The following SPPL3 variants were observed in gnomAD, a reference collection of about 807,000 sequenced individuals.
SPPL3 encodes the protein signal peptide peptidase-like 3.
SPPL3 carries 5 observed loss-of-function variants against 42.4 expected under a neutral mutation model. The observed-to-expected ratio is 0.12, with a 90% CI of 0.06 to 0.25. SPPL3 has a LOEUF of 0.25. Among genes scored for constraint, SPPL3 ranks in the 10% least tolerant of loss-of-function variants. The pLI is 1.00. For missense variants in SPPL3, 235 were observed against 489.0 expected, an observed-to-expected ratio of 0.48 and a Z score of 4.90; for synonymous variants, 195 against 181.8, an observed-to-expected ratio of 1.07 and a Z score of -0.58.
chr12:120,871,639 C>G (rs791218), intron 1 of SPPL3, among the ~76,000 whole-genome samples: 19,543 of 151,810 alleles, frequency 0.13, 1,733 homozygotes, highest in Non-Finnish European at 0.19. Context: ...TGTAATCCCA[C>G]CTACTCGGGC....
At chr12:120,884,484 G>A (rs1873387485) in intron 1 of SPPL3, among the ~76,000 whole-genome samples, 1 of 150,894 alleles carries the variant, frequency 6.6e-6, no homozygotes, top group African/African-American at 2.4e-5. Flanking sequence ...TTAAATATTA[G>A]GTAATTAGGA....
chr12:120,805,777 A>AC (rs1870466860), intron 2 of SPPL3, among the ~76,000 whole-genome samples: 1 of 152,226 alleles, frequency 6.6e-6, no homozygotes, highest in Admixed American at 6.5e-5. Context: ...AAAGTAAAAA[A>AC]ATACTTAGGA....
intron 2 of SPPL3, among the ~76,000 whole-genome samples, chr12:120,797,130 G>A (rs1185677371): frequency 1.3e-5 from 2 of 152,210 alleles, no homozygotes; most frequent in African/African-American, 4.8e-5. Flanking sequence ...TTGTGCCACT[G>A]CACTCCAGCC....
intron 10 of SPPL3, 52 bp from the exon 11 acceptor site, chr12:120,765,122 A>G (rs1444600702): frequency 6.4e-7 from 1 of 1,574,340 alleles, no homozygotes; most frequent in East Asian, 2.2e-5. Flanking sequence ...AGGCACACAC[A>G]GCTGTCTGAT....
intron 1 of SPPL3, among the ~76,000 whole-genome samples, chr12:120,888,200 T>A (rs1195538289): frequency 6.6e-6 from 1 of 152,092 alleles, no homozygotes; most frequent in Non-Finnish European, 1.5e-5. Flanking sequence ...CTCAGCCTCC[T>A]GAGTAGCTGG....
chr12:120,839,058 C>T (rs1327283177), intron 1 of SPPL3, among the ~76,000 whole-genome samples: 10 of 151,974 alleles, frequency 6.6e-5, no homozygotes, highest in Non-Finnish European at 1.2e-4. Context: ...CACATGCACA[C>T]GTATGTTTAT....
chr12:120,878,261 G>C (rs1032561550), intron 1 of SPPL3, among the ~76,000 whole-genome samples: 3 of 152,060 alleles, frequency 2.0e-5, no homozygotes, highest in Admixed American at 1.3e-4. Flanking sequence ...GAATATACCA[G>C]AATATCATGA....
At chr12:120,829,454 G>A (rs527614934) in intron 1 of SPPL3, among the ~76,000 whole-genome samples, 4 of 152,108 alleles carry the variant, frequency 2.6e-5, no homozygotes, top group South Asian at 2.1e-4. Flanking sequence ...AAATTAGCCC[G>A]GCATGATGGT....
chr12:120,852,702 A>T lies in SPPL3; in HGVS notation c.24-41816T>A, dbSNP rs1566060807. On this transcript the variant is annotated intron_variant, in intron 1 of 10. Coordinates refer to ENST00000353487, the MANE Select transcript of SPPL3 (RefSeq NM_139015.5). ...TATGCATATATAATATACATATTTT[A>T]CATATATGAAATATATTTTATATAT... Among the ~76,000 whole-genome samples the T allele has an allele frequency of 3.5e-3, 142 of 40,008 alleles. 9 individuals are homozygous for T. The highest frequency in any genetic ancestry group is 5.3e-3 in the Non-Finnish European group (116 of 21,938). The allele number at this position is 40,008 out of a possible 152,430, so 26.2% of individuals were successfully genotyped here. A position where few individuals can be genotyped will look rare whatever the true frequency, so the allele number is the denominator to read the frequency against.
At chr12:120,809,477 A>T (rs1870610381) in intron 2 of SPPL3, among the ~76,000 whole-genome samples, 2 of 152,236 alleles carry the variant, frequency 1.3e-5, no homozygotes, top group South Asian at 4.1e-4. Flanking sequence ...TAAAATTCAG[A>T]TATAACACTG....
intron 1 of SPPL3, among the ~76,000 whole-genome samples, chr12:120,852,321 A>T (rs1718180): frequency 0.47 from 63,696 of 135,762 alleles, 15,150 homozygotes; most frequent in East Asian, 0.54. Context: ...TATTTATATA[A>T]TCATATATAT....
At chr12:120,853,020 GAGT>G (rs1168861856) in intron 1 of SPPL3, among the ~76,000 whole-genome samples, 1 of 150,692 alleles carries the variant, frequency 6.6e-6, no homozygotes, top group Non-Finnish European at 1.5e-5. Flanking sequence ...TCAGCCTCCC[GAGT>G]AGCTGGGATT....
At chr12:120,767,048 G>C in intron 9 of SPPL3, among the ~76,000 whole-genome samples, 1 of 152,206 alleles carries the variant, frequency 6.6e-6, no homozygotes, top group East Asian at 1.9e-4. Context: ...ACTAATGAAT[G>C]TAAGTAAGTA....
At position 120,810,897 on chromosome 12, in the gene SPPL3, A is replaced by G. The variant is rs1870661988; in HGVS notation, c.24-11T>C. On this transcript the variant is annotated splice_polypyrimidine_tract_variant and intron_variant, in intron 1 of 10. Transcript: ENST00000353487. The stretch of plus-strand genomic sequence containing the variant: ...ACCAGGGAATAGGCCCTAGAGAAAT[A>G]AGAGGAAAAAAATTTAAATCACATG... 6.2e-7 allele frequency: 1 copy of G among 1,607,078 alleles called. No homozygotes were observed. Among genetic ancestry groups the G allele is most frequent in the African/African-American group, 1.3e-5 (1 of 74,742 alleles).
chr12:120,840,621 C>T (rs1053203346), intron 1 of SPPL3, among the ~76,000 whole-genome samples: 6 of 152,178 alleles, frequency 3.9e-5, no homozygotes, highest in Non-Finnish European at 7.4e-5. Flanking sequence ...CGATTGAGCT[C>T]AGGAGTTCAA....
intron 6 of SPPL3, among the ~76,000 whole-genome samples, chr12:120,781,358 C>G (rs983781628): frequency 6.6e-6 from 1 of 151,560 alleles, no homozygotes; most frequent in African/African-American, 2.4e-5. Context: ...CCTTAATACT[C>G]TGGAGTTATT....
chr12:120,882,306 A>C (rs540710289), intron 1 of SPPL3, among the ~76,000 whole-genome samples: 9 of 152,290 alleles, frequency 5.9e-5, no homozygotes, highest in South Asian at 2.1e-4. Context: ...ATACAGTGTC[A>C]ATCTGGGAAG....
intron 1 of SPPL3, among the ~76,000 whole-genome samples, chr12:120,890,123 C>T (rs1403393677): frequency 6.6e-6 from 1 of 152,006 alleles, no homozygotes; most frequent in East Asian, 1.9e-4. Context: ...TGGTGCATGC[C>T]TGTAATCCCA....
chr12:120,823,359 C>T (rs4767938), intron 1 of SPPL3, among the ~76,000 whole-genome samples: 99,561 of 151,778 alleles, frequency 0.66, 32,950 homozygotes, highest in East Asian at 0.84. Flanking sequence ...TGCCTTCTAT[C>T]CCCAGCACTC....
Sources: gnomAD v4.1 joint callset for allele counts (sites outside exome capture counted in the v4.1 genomes callset) on GRCh38, gnomAD v4.1.1 for gene constraint, MANE v1.5 for transcripts, NCBI Gene and HGNC (gene_info 2026-07-23, HGNC 2026-07-21) for gene names.